The following LSAMP variants were observed in gnomAD, a reference collection of about 807,000 sequenced individuals.
LSAMP encodes limbic system associated membrane protein, also known as limbic system-associated membrane protein.
Under a neutral mutation model 38.6 loss-of-function variants are expected in LSAMP, and 7 were observed. The observed-to-expected ratio is 0.18, with a 90% confidence interval of 0.10 to 0.34. The LOEUF (loss-of-function observed/expected upper bound fraction) is 0.34. Ranked by LOEUF, LSAMP falls within the 10% of genes least tolerant of loss-of-function variation. LSAMP has a pLI of 1.00. For missense variants in LSAMP, 313 were observed against 420.0 expected (o/e 0.75, Z 2.23); for synonymous variants, 154 against 166.8 (o/e 0.92, Z 0.59).
intron 6 of LSAMP, among the ~76,000 whole-genome samples, chr3:115,824,446 T>TA (rs755789185): frequency 6.6e-6 from 1 of 152,178 alleles, no homozygotes; most frequent in Non-Finnish European, 1.5e-5. Context: ...GTAATCCCAG[T>TA]AATCCCAGCA....
chr3:116,215,821 A>G (rs144187648), intron 1 of LSAMP, among the ~76,000 whole-genome samples: 2 of 152,284 alleles, frequency 1.3e-5, no homozygotes, highest in African/African-American at 4.8e-5. Flanking sequence ...TTAAAGCAAA[A>G]CAGAGGCACG....
chr3:116,032,137 T>C (rs1293977995), intron 2 of LSAMP, among the ~76,000 whole-genome samples: 1 of 152,050 alleles, frequency 6.6e-6, no homozygotes, highest in Non-Finnish European at 1.5e-5. Flanking sequence ...TTTATCTTTG[T>C]TTGCCCTTCT....
chr3:115,992,384 A>AT (rs989732775), intron 3 of LSAMP, among the ~76,000 whole-genome samples: 1 of 151,802 alleles, frequency 6.6e-6, no homozygotes, highest in Non-Finnish European at 1.5e-5. Flanking sequence ...TTTTTAAATT[A>AT]TTTTTTCCTG....
chr3:115,860,207 A>G (rs1935634885), intron 3 of LSAMP, among the ~76,000 whole-genome samples: 1 of 152,226 alleles, frequency 6.6e-6, no homozygotes, highest in African/African-American at 2.4e-5. Context: ...TATCTTATTT[A>G]ATTCACGATA....
At position 115,847,993 on chromosome 3, in the gene LSAMP, T is replaced by C. The variant is rs111899700; in HGVS notation, c.649+4490A>G. ...CATATTGCAAAATTATAATGAAACA[T>C]TGTAGTACTCTGGGTTGTTACTGAA... On this transcript the variant is annotated intron_variant, in intron 4 of 6. Transcript: ENST00000490035. Among the ~76,000 whole-genome samples, 785 of 152,286 alleles carry C rather than the reference T, an allele frequency of 5.2e-3. 7 individuals are homozygous for C. Among genetic ancestry groups the C allele is most frequent in the Non-Finnish European group, 6.7e-3 (458 of 68,030 alleles).
intron 1 of LSAMP, among the ~76,000 whole-genome samples, chr3:116,229,334 G>A (rs1053960741): frequency 1.3e-5 from 2 of 152,052 alleles, no homozygotes; most frequent in Admixed American, 1.3e-4. Context: ...AGCTAAAATT[G>A]TTTGGAAATC....
In LSAMP at chr3:115,806,022, T is replaced by C. The variant is rs1933622138; in HGVS notation, c.*4295A>G. On this transcript the variant is annotated 3_prime_UTR_variant, in exon 7 of 7. Transcript: ENST00000490035. Reference sequence around the variant, plus strand: ...ATGTAGGTAAGATATAGCACTGTACTTACATTTCTCTTAAAAAATGATATT... The same window carrying C: ...ATGTAGGTAAGATATAGCACTGTACCTACATTTCTCTTAAAAAATGATATT... 6.6e-6 allele frequency: 1 copy of C among 152,180 alleles called. No individual in the cohort carries two copies. The highest frequency in any genetic ancestry group is 2.4e-5 in the African/African-American group (1 of 41,450). The allele number at this position is 152,180 out of a possible 1,614,324, so 9.4% of individuals were successfully genotyped here. A position where few individuals can be genotyped will look rare whatever the true frequency, so the allele number is the denominator to read the frequency against.
At chr3:115,914,207 C>T (rs1392565740) in intron 3 of LSAMP, among the ~76,000 whole-genome samples, 1 of 152,178 alleles carries the variant, frequency 6.6e-6, no homozygotes, top group African/African-American at 2.4e-5. Flanking sequence ...TCGATGTTGA[C>T]TTTGCTCTGC....
intron 3 of LSAMP, among the ~76,000 whole-genome samples, chr3:115,969,234 G>A (rs59303243): frequency 0.27 from 40,526 of 152,032 alleles, 6,549 homozygotes; most frequent in African/African-American, 0.46. Flanking sequence ...GAGGACGATT[G>A]GTGAAGGCTT....
chr3:116,279,159 G>A (rs969950968), intron 1 of LSAMP, among the ~76,000 whole-genome samples: 7 of 152,164 alleles, frequency 4.6e-5, no homozygotes, highest in Non-Finnish European at 7.3e-5. Flanking sequence ...ATGTGTCCCT[G>A]GGAAAGAGAG....
intron 3 of LSAMP, among the ~76,000 whole-genome samples, chr3:116,004,065 C>G (rs948831235): frequency 2.6e-5 from 4 of 152,180 alleles, no homozygotes; most frequent in South Asian, 2.1e-4. Context: ...GCAACTATGT[C>G]TCAGGGATAC....
At chr3:115,999,765 G>A (rs1263724250) in intron 3 of LSAMP, among the ~76,000 whole-genome samples, 1 of 152,128 alleles carries the variant, frequency 6.6e-6, no homozygotes, top group Non-Finnish European at 1.5e-5. Flanking sequence ...TGGTGGGGAG[G>A]GAGGCTGCCT....
intron 1 of LSAMP, among the ~76,000 whole-genome samples, chr3:116,353,561 T>A (rs900034530): frequency 2.0e-5 from 3 of 152,030 alleles, no homozygotes; most frequent in African/African-American, 7.2e-5. Context: ...ACGTGCAGAG[T>A]ACACTCCATA....
At position 116,016,746 on chromosome 3, in the gene LSAMP, T is replaced by C. The variant is rs187521014; in HGVS notation, c.514+2769A>G. Among the ~76,000 whole-genome samples the C allele has an allele frequency of 1.9e-3, 289 of 152,308 alleles. 1 individual carries two copies. Among genetic ancestry groups the C allele is most frequent in the Admixed American group, 1.6e-3 (25 of 15,290 alleles). On this transcript the variant is annotated intron_variant, in intron 3 of 6. Transcript: ENST00000490035. ...TGCAGTAAAACTTTATGTGTGTACATTGAAATTTGAATTGTATATATATAG... is the reference window on the plus strand; with the variant it reads ...TGCAGTAAAACTTTATGTGTGTACACTGAAATTTGAATTGTATATATATAG...
intron 2 of LSAMP, among the ~76,000 whole-genome samples, chr3:116,079,386 C>T (rs1033750097): frequency 3.3e-5 from 5 of 152,220 alleles, no homozygotes; most frequent in South Asian, 2.1e-4. Context: ...TGGCTAAGTG[C>T]GGTGGCTTAC....
At chr3:115,989,862 A>AT (rs1939617756) in intron 3 of LSAMP, among the ~76,000 whole-genome samples, 1 of 152,066 alleles carries the variant, frequency 6.6e-6, no homozygotes, top group Admixed American at 6.6e-5. Context: ...TGAGGACTTG[A>AT]TTTAGAGTGA....
rs2107699968 is a variant in LSAMP at position 116,296,330 on chromosome 3, C to T, written c.155+148547G>A. Among the ~76,000 whole-genome samples, 4 of 152,232 alleles carry T rather than the reference C, an allele frequency of 2.6e-5. No homozygotes were observed. In the South Asian group the frequency reaches 8.3e-4, roughly 32 times the overall value. On this transcript the variant is annotated intron_variant, in intron 1 of 6. Coordinates refer to ENST00000490035, the MANE Select transcript of LSAMP (RefSeq NM_002338.5). ...TGGTTAAGAGCAGCCCAGAACTATA[C>T]TGTTTGACCACAGCAATATTTGCTT...
chr3:116,340,709 C>T (rs958797963), intron 1 of LSAMP, among the ~76,000 whole-genome samples: 3 of 151,964 alleles, frequency 2.0e-5, no homozygotes, highest in Admixed American at 2.0e-4. Context: ...ATAGATCTGT[C>T]ACACAGCCTA....
chr3:116,414,882 C>G (rs1307071949), intron 1 of LSAMP, among the ~76,000 whole-genome samples: 1 of 152,024 alleles, frequency 6.6e-6, no homozygotes, highest in Non-Finnish European at 1.5e-5. Flanking sequence ...TAAGGTTTCT[C>G]TTTCCTACAG....
Sources: gnomAD v4.1 joint callset for allele counts (sites outside exome capture counted in the v4.1 genomes callset) on GRCh38, gnomAD v4.1.1 for gene constraint, MANE v1.5 for transcripts, NCBI Gene and HGNC (gene_info 2026-07-23, HGNC 2026-07-21) for gene names.